The following TMC7 variants were observed in gnomAD, a reference collection of about 807,000 sequenced individuals.
TMC7 encodes the protein transmembrane channel like 7.
TMC7 carries 54 observed loss-of-function variants against 82.9 expected under a neutral mutation model. The observed-to-expected ratio is 0.65, with a 90% confidence interval of 0.52 to 0.82. The LOEUF is 0.82. Among genes scored for constraint, TMC7 ranks in the 40% least tolerant of loss-of-function variants. The pLI is 0.00. For synonymous variants in TMC7, 350 were observed against 337.9 expected (o/e 1.04, Z -0.39); for missense variants, 820 against 901.2 (o/e 0.91, Z 1.15).
At position 19,029,666 on chromosome 16, in the gene TMC7, C is replaced by T. The variant is rs1450463201; in HGVS notation, c.712-558C>T. ...CTGGGATTACAGGTGTGAGCCACCA[C>T]GCCTGGCCATCTGTGCATTTTTTTT... On this transcript the variant is annotated intron_variant, in intron 5 of 15. Coordinates refer to ENST00000304381, the MANE Select transcript of TMC7 (RefSeq NM_024847.4). Among the ~76,000 whole-genome samples, 6 of 150,792 alleles carry T rather than the reference C, an allele frequency of 4.0e-5. No individual in the cohort carries two copies. The East Asian group carries it at 5.9e-4, about 15-fold the overall frequency.
intron 6 of TMC7, 112 bp from the exon 7 acceptor site, chr16:19,035,564 A>G (rs1394706277): frequency 3.1e-6 from 4 of 1,293,174 alleles, no homozygotes; most frequent in African/African-American, 1.5e-5. Context: ...CCATGTCACA[A>G]TGGGCTGAAA....
At chr16:18,990,676 G>A (rs181357941) in intron 1 of TMC7, among the ~76,000 whole-genome samples, 16 of 152,294 alleles carry the variant, frequency 1.1e-4, no homozygotes, top group Admixed American at 2.6e-4. Flanking sequence ...TGGTATAGGC[G>A]GTGGAGTTAA....
rs571598774 is a variant in TMC7, at chr16:19,032,831, G to A, written c.857+2462G>A. On this transcript the variant is annotated intron_variant, in intron 6 of 15. Coordinates refer to ENST00000304381, the MANE Select transcript of TMC7 (RefSeq NM_024847.4). ...TTTAGTAGAGATGGGGTTTCACGACGTTGGCCAGGCTGGTCTCGAACTTCT... is the reference window on the plus strand; with the variant it reads ...TTTAGTAGAGATGGGGTTTCACGACATTGGCCAGGCTGGTCTCGAACTTCT... 7.2e-5 allele frequency among the ~76,000 whole-genome samples: 11 copies of A among 152,262 alleles called. No individual in the cohort carries two copies. In the East Asian group the frequency reaches 1.4e-3, roughly 19 times the overall value.
intron 3 of TMC7, among the ~76,000 whole-genome samples, chr16:19,016,886 A>G (rs887409775): frequency 3.9e-5 from 6 of 152,124 alleles, no homozygotes; most frequent in Non-Finnish European, 8.8e-5. Flanking sequence ...AGATCTTGTT[A>G]TTTAATGTGC....
chr16:19,054,750 T>C (rs1961694461), intron 13 of TMC7, among the ~76,000 whole-genome samples: 1 of 143,252 alleles, frequency 7.0e-6, no homozygotes, highest in African/African-American at 2.6e-5. Context: ...CTTTTTTTTT[T>C]TTTTTTTTTT....
intron 8 of TMC7, 135 bp from the exon 9 acceptor site, chr16:19,040,154 A>G: frequency 2.1e-6 from 1 of 468,264 alleles, no homozygotes; most frequent in Non-Finnish European, 3.7e-6. Flanking sequence ...GAGATGACTT[A>G]TGCTTACAGG....
rs1962095904 is a variant in TMC7, at chr16:19,063,606, C to T, written c.*1763C>T. 2.0e-5 allele frequency: 3 copies of T among 151,824 alleles called. No homozygotes were observed. In the South Asian group the frequency reaches 6.2e-4, roughly 32 times the overall value. 9.4% of individuals were successfully genotyped at this position (151,824 alleles called of 1,614,324 possible). A position where few individuals can be genotyped will look rare whatever the true frequency, so the allele number is the denominator to read the frequency against. On this transcript the variant is annotated 3_prime_UTR_variant, in exon 16 of 16. Transcript: ENST00000304381. ...AAGTTGTAATTGTAAACATTTCTGCCCAGTGCCTTTATATTTATATAACAT... is the reference window on the plus strand; with the variant it reads ...AAGTTGTAATTGTAAACATTTCTGCTCAGTGCCTTTATATTTATATAACAT...
intron 8 of TMC7, 23 bp downstream of exon 8, chr16:19,038,070 T>C (rs1176670796): frequency 3.7e-6 from 6 of 1,607,070 alleles, no homozygotes; most frequent in Admixed American, 3.4e-5. Context: ...GTACTCTGGC[T>C]GGACATTATG....
rs183032410 is a variant in TMC7, at chr16:19,017,949, C to A, written c.460+1351C>A. Among the ~76,000 whole-genome samples, 62 of 152,132 alleles carry A rather than the reference C, an allele frequency of 4.1e-4. No homozygotes were observed. In the East Asian group the frequency reaches 0.011, roughly 28 times the overall value. ...CCTCCCAAAGTGCTGGGATTACAGG[C>A]GTGAGCCACCACGCCTGGCTCCAAA... On this transcript the variant is annotated intron_variant, in intron 3 of 15. Transcript: ENST00000304381.
At position 18,991,706 on chromosome 16, in the gene TMC7, G is replaced by A. The variant is rs563962772; in HGVS notation, c.67+7576G>A. ...ACCCATTAACTCATCATTTACATTAGGTGTATCTCCTAATGCTATCCCTCC... is the reference window on the plus strand; with the variant it reads ...ACCCATTAACTCATCATTTACATTAAGTGTATCTCCTAATGCTATCCCTCC... On this transcript the variant is annotated intron_variant, in intron 1 of 15. Coordinates refer to ENST00000304381, the MANE Select transcript of TMC7 (RefSeq NM_024847.4). Among the ~76,000 whole-genome samples, 3 of 152,086 alleles carry A rather than the reference G, an allele frequency of 2.0e-5. No homozygotes were observed. The South Asian group carries it at 6.2e-4, about 32-fold the overall frequency.
Position 19,016,434 on chromosome 16 carries a change from C to T in TMC7, c.312-16C>T. On this transcript the variant is annotated splice_polypyrimidine_tract_variant and intron_variant, in intron 2 of 15. Transcript: ENST00000304381. ...CTGCTGTTGTTGTCATTGTCATGAT[C>T]ATGTTTTCCATGCAGGGACATTCAA... 2 of 1,613,656 alleles carry T rather than the reference C, an allele frequency of 1.2e-6. No individual in the cohort carries two copies. The highest frequency in any genetic ancestry group is 1.7e-6 in the Non-Finnish European group (2 of 1,179,796).
chr16:19,061,929 T>C lies in TMC7; in HGVS notation c.*86T>C. On this transcript the variant is annotated 3_prime_UTR_variant, in exon 16 of 16. Transcript: ENST00000304381. The stretch of plus-strand genomic sequence containing the variant: ...GAGCCTACAGAGTCTACCTGGGTTT[T>C]GAGTGGACATTTAAAAATATATTTT... 9.1e-7 allele frequency: 1 copy of C among 1,099,736 alleles called. No individual in the cohort carries two copies. The highest frequency in any genetic ancestry group is 2.1e-4 in the Middle Eastern group (1 of 4,804). 68.1% of individuals were successfully genotyped at this position (1,099,736 alleles called of 1,614,324 possible).
chr16:19,032,365 A>G (rs373989185), intron 6 of TMC7, among the ~76,000 whole-genome samples: 9 of 152,282 alleles, frequency 5.9e-5, no homozygotes, highest in East Asian at 5.8e-4. Context: ...TGTACTATGT[A>G]CAAATGAGAA....
Position 19,063,274 on chromosome 16 carries a change from T to C in TMC7, c.*1431T>C, listed in dbSNP as rs1440287046. ...TCTCACTTAAAAAAATAAATTCTGC[T>C]GGGCACAGTGGCTCATGCCTGCAAT... On this transcript the variant is annotated 3_prime_UTR_variant, in exon 16 of 16. Coordinates refer to ENST00000304381, the MANE Select transcript of TMC7 (RefSeq NM_024847.4). The C allele has an allele frequency of 6.6e-6, 1 of 152,134 alleles. No individual in the cohort carries two copies. The highest frequency in any genetic ancestry group is 2.4e-5 in the African/African-American group (1 of 41,438). The allele number at this position is 152,134 out of a possible 1,614,324, so 9.4% of individuals were successfully genotyped here.
chr16:18,989,599 T>A (rs2038912363), intron 1 of TMC7, among the ~76,000 whole-genome samples: 1 of 141,312 alleles, frequency 7.1e-6, no homozygotes, highest in South Asian at 2.3e-4. Context: ...CCCTGAGCGA[T>A]CACCACATAC....
At chr16:19,059,574 A>C in intron 15 of TMC7, 80 bp downstream of exon 15, 1 of 1,613,096 alleles carries the variant, frequency 6.2e-7, no homozygotes, top group Admixed American at 1.7e-5. Flanking sequence ...TTTTCCTGGG[A>C]GGGAGTGAAA....
At chr16:19,025,826 C>T (rs947104441) in intron 5 of TMC7, among the ~76,000 whole-genome samples, 1 of 151,422 alleles carries the variant, frequency 6.6e-6, no homozygotes, top group African/African-American at 2.4e-5. Flanking sequence ...ACAATCTTGG[C>T]TCATTGCAAC....
intron 2 of TMC7, 89 bp downstream of exon 2, chr16:19,009,504 C>T (rs945135226): frequency 6.8e-7 from 1 of 1,470,716 alleles, no homozygotes; most frequent in Non-Finnish European, 9.1e-7. Flanking sequence ...CTGAAGAGCT[C>T]ATATAATTAA....
At chr16:19,040,003 C>A (rs908214199) in intron 8 of TMC7, among the ~76,000 whole-genome samples, 3 of 150,390 alleles carry the variant, frequency 2.0e-5, no homozygotes, top group African/African-American at 7.3e-5. Context: ...GTAGTCCCAG[C>A]TACTCGGGAG....
Sources: gnomAD v4.1 joint callset for allele counts (sites outside exome capture counted in the v4.1 genomes callset) on GRCh38, gnomAD v4.1.1 for gene constraint, MANE v1.5 for transcripts, NCBI Gene and HGNC (gene_info 2026-07-23, HGNC 2026-07-21) for gene names.